Variants in KCNIP4 observed in about 807,000 individuals in gnomAD.
KCNIP4 encodes the protein Kv channel-interacting protein 4.
Under a neutral mutation model 34.0 loss-of-function variants are expected in KCNIP4, and 12 were observed. The observed-to-expected ratio is 0.35, with a 90% CI of 0.23 to 0.57. KCNIP4 has a LOEUF of 0.57. Among genes scored for constraint, KCNIP4 ranks in the 20% least tolerant of loss-of-function variants. KCNIP4 has a pLI of 0.83. For synonymous variants in KCNIP4, 124 were observed against 102.2 expected (o/e 1.21, Z -1.29); for missense variants, 238 against 311.7 (o/e 0.76, Z 1.78).
chr4:21,552,307 A>G (rs1194140887), intron 1 of KCNIP4, among the ~76,000 whole-genome samples: 1 of 152,138 alleles, frequency 6.6e-6, no homozygotes, highest in Non-Finnish European at 1.5e-5. Flanking sequence ...TAATTTATTT[A>G]CTCAGTAAAG....
chr4:21,705,659 CA>C (rs889460659), intron 1 of KCNIP4, among the ~76,000 whole-genome samples: 12 of 152,000 alleles, frequency 7.9e-5, no homozygotes, highest in Non-Finnish European at 1.8e-4. Context: ...GCATGTAAAG[CA>C]AGGTGATAAC....
rs1428650963 is a variant in KCNIP4, at chr4:21,845,990, T to C, written c.61+102581A>G. 6 of 152,256 alleles carry C rather than the reference T, an allele frequency of 3.9e-5. No homozygotes were observed. The East Asian group carries it at 1.2e-3, about 29-fold the overall frequency. 9.4% of individuals were successfully genotyped at this position (152,256 alleles called of 1,614,324 possible). On this transcript the variant is annotated intron_variant, in intron 1 of 8. Transcript: ENST00000382152. The stretch of plus-strand genomic sequence containing the variant: ...ATTGCCTCTGTTTTTTTGTCTGTTT[T>C]GTTTTGTTTTTACTGCTAAAAGATT...
intron 1 of KCNIP4, among the ~76,000 whole-genome samples, chr4:21,397,847 G>A (rs1381058109): frequency 6.6e-6 from 1 of 152,044 alleles, no homozygotes; most frequent in Admixed American, 6.6e-5. Context: ...CCCTAAAAGG[G>A]ATTGAAGATG....
chr4:21,040,603 C>A (rs9996731), intron 1 of KCNIP4, among the ~76,000 whole-genome samples: 3,750 of 152,154 alleles, frequency 0.025, 145 homozygotes, highest in African/African-American at 0.084. Flanking sequence ...TGAAACAGTA[C>A]CTTCATAATA....
intron 1 of KCNIP4, among the ~76,000 whole-genome samples, chr4:21,364,259 T>C (rs768968166): frequency 1.2e-4 from 19 of 152,170 alleles, no homozygotes; most frequent in Non-Finnish European, 1.9e-4. Flanking sequence ...CACCTATCAA[T>C]GCATCCAAAC....
At chr4:21,048,362 C>T (rs1560676000) in intron 1 of KCNIP4, among the ~76,000 whole-genome samples, 1 of 152,104 alleles carries the variant, frequency 6.6e-6, no homozygotes, top group Non-Finnish European at 1.5e-5. Context: ...TTGAAAGTGA[C>T]GTGCATCACT....
chr4:21,716,444 G>A (rs2109087834), intron 1 of KCNIP4, among the ~76,000 whole-genome samples: 1 of 152,038 alleles, frequency 6.6e-6, no homozygotes, highest in East Asian at 1.9e-4. Flanking sequence ...CGCAGTGTTG[G>A]CCACGCTGGT....
intron 1 of KCNIP4, among the ~76,000 whole-genome samples, chr4:21,913,010 G>A (rs1015601633): frequency 6.6e-6 from 1 of 151,882 alleles, no homozygotes; most frequent in Admixed American, 6.6e-5. Context: ...TAATAATGGT[G>A]GGTTAGACCA....
rs74776653 is a variant in KCNIP4 at position 21,448,745 on chromosome 4, A to G, written c.61+499826T>C. Among the ~76,000 whole-genome samples, 759 of 152,272 alleles carry G rather than the reference A, an allele frequency of 5.0e-3. 24 individuals are homozygous for G. In the East Asian group the frequency reaches 0.091, roughly 18 times the overall value. On this transcript the variant is annotated intron_variant, in intron 1 of 8. Coordinates refer to ENST00000382152, the MANE Select transcript of KCNIP4 (RefSeq NM_025221.6). ...TTTACTTCTGCTCAAGAGATTAGAC[A>G]TATAGCTGAGGGATCCACTCAACTG...
chr4:20,898,483 C>G (rs1031296739), intron 1 of KCNIP4, among the ~76,000 whole-genome samples: 9 of 152,138 alleles, frequency 5.9e-5, no homozygotes, highest in African/African-American at 2.2e-4. Context: ...TTGGCATAAA[C>G]TGTAACTTCC....
chr4:21,146,694 A>G (rs1752385410), intron 1 of KCNIP4, among the ~76,000 whole-genome samples: 1 of 152,214 alleles, frequency 6.6e-6, no homozygotes, highest in African/African-American at 2.4e-5. Context: ...AAAGAAAAAA[A>G]GGAAAATATT....
chr4:21,704,222 T>C (rs952160049), intron 1 of KCNIP4, among the ~76,000 whole-genome samples: 1 of 151,994 alleles, frequency 6.6e-6, no homozygotes, highest in Non-Finnish European at 1.5e-5. Flanking sequence ...ACTGTTAAAG[T>C]TTTAGAAAAA....
At chr4:21,666,104 A>T (rs1190677741) in intron 1 of KCNIP4, among the ~76,000 whole-genome samples, 2 of 152,196 alleles carry the variant, frequency 1.3e-5, no homozygotes, top group African/African-American at 2.4e-5. Context: ...TTCCCTTCAA[A>T]CATTCTACTG....
intron 1 of KCNIP4, among the ~76,000 whole-genome samples, chr4:21,619,728 T>G (rs570527169): frequency 2.0e-5 from 3 of 152,366 alleles, no homozygotes; most frequent in African/African-American, 7.2e-5. Flanking sequence ...GCACCTGCTA[T>G]GAACCAGGAC....
chr4:21,098,860 TG>T (rs1490736231), intron 1 of KCNIP4, among the ~76,000 whole-genome samples: 1 of 152,058 alleles, frequency 6.6e-6, no homozygotes, highest in Non-Finnish European at 1.5e-5. Flanking sequence ...AACAAACATA[TG>T]AAAAAAAGCT....
At chr4:21,918,425 A>G (rs1025520616) in intron 1 of KCNIP4, among the ~76,000 whole-genome samples, 1 of 152,180 alleles carries the variant, frequency 6.6e-6, no homozygotes, top group African/African-American at 2.4e-5. Flanking sequence ...TTAGAAAAAG[A>G]GTTCCACAGG....
chr4:21,668,023 T>C (rs1354004736), intron 1 of KCNIP4, among the ~76,000 whole-genome samples: 1 of 152,158 alleles, frequency 6.6e-6, no homozygotes, highest in Non-Finnish European at 1.5e-5. Flanking sequence ...ATGTGGTACA[T>C]ATATATACCA....
At chr4:21,704,252 A>G (rs370413776) in intron 1 of KCNIP4, among the ~76,000 whole-genome samples, 3 of 152,334 alleles carry the variant, frequency 2.0e-5, no homozygotes, top group South Asian at 2.1e-4. Context: ...AAATCTTCAG[A>G]ATCTAGGGCT....
intron 1 of KCNIP4, among the ~76,000 whole-genome samples, chr4:21,148,118 C>A (rs548058429): frequency 6.6e-6 from 1 of 152,186 alleles, no homozygotes; most frequent in African/African-American, 2.4e-5. Flanking sequence ...AATCAGGAAA[C>A]TGCTGCCTAA....
Sources: allele counts gnomAD v4.1 joint callset (sites outside exome capture counted in the v4.1 genomes callset), GRCh38; gene constraint gnomAD v4.1.1; transcripts MANE v1.5; gene names NCBI Gene and HGNC (gene_info 2026-07-23, HGNC 2026-07-21).